The following WDR64 variants were observed in gnomAD, a reference collection of about 807,000 sequenced individuals.
The protein encoded by WDR64 is WD repeat domain 64.
Under a neutral mutation model 139.3 loss-of-function variants are expected in WDR64, and 112 were observed. That is an observed-to-expected ratio of 0.80 (90% confidence interval 0.69 to 0.94). The LOEUF is 0.94. WDR64 is among the 40% of genes least tolerant of loss of function. The probability of loss-of-function intolerance (pLI) is 0.00; values close to 1 mark genes in which losing one functional copy is unlikely to be tolerated. For synonymous variants in WDR64, 444 were observed against 437.7 expected (o/e 1.01, Z -0.18); for missense variants, 1,206 against 1,293.1 (o/e 0.93, Z 1.03).
At chr1:241,754,314 CTTTTTCT>C (rs1670093542) in intron 14 of WDR64, among the ~76,000 whole-genome samples, 1 of 107,890 alleles carries the variant, frequency 9.3e-6, no homozygotes, top group Non-Finnish European at 1.8e-5. Flanking sequence ...TCCTTTTTTT[CTTTTTCT>C]TTTTTTTTTT....
At chr1:241,770,500 G>A (rs1177323242) in intron 17 of WDR64, 121 bp from the exon 18 acceptor site, 1 of 781,956 alleles carries the variant, frequency 1.3e-6, no homozygotes, top group Non-Finnish European at 2.1e-6. Context: ...TTCCTGAGTG[G>A]CTCAGTATCC....
At position 241,741,661 on chromosome 1, in the gene WDR64, T is replaced by G; in HGVS notation, c.1467T>G (p.Ile489Met). 10 of 1,605,470 alleles carry G rather than the reference T, an allele frequency of 6.2e-6. No individual in the cohort carries two copies. The highest frequency in any genetic ancestry group is 8.5e-6 in the Non-Finnish European group (10 of 1,178,142). ...TCACTATCTGCTCTGAATCCATAATTAGGGTAAGTACCTATTGGCTTTTCA... is the reference window on the plus strand; with the variant it reads ...TCACTATCTGCTCTGAATCCATAATGAGGGTAAGTACCTATTGGCTTTTCA... ...QVLTICSESI[I>M]RVWELETGLQ... Residue 489 changes from isoleucine (I) to methionine (M), a missense_variant, in exon 12 of 28, where the codon ATT becomes ATG. Transcript: ENST00000437684.
chr1:241,754,199 GTTT>G (rs1338012947), intron 14 of WDR64, among the ~76,000 whole-genome samples: 7 of 149,944 alleles, frequency 4.7e-5, no homozygotes, highest in African/African-American at 7.4e-5. Flanking sequence ...TAGTTTTATT[GTTT>G]TTTAAATTTT....
In WDR64 at chr1:241,652,388, A is replaced by G; in HGVS notation, c.-97A>G. On this transcript the variant is annotated 5_prime_UTR_variant, in exon 1 of 28. Transcript: ENST00000437684. ...GGAATTAGACCTAGGGCAAAAACTG[A>G]GACAGCAGGGAGGCACTGTAACAAC... 1 of 1,306,594 alleles carries G rather than the reference A, an allele frequency of 7.7e-7. No homozygotes were observed. Among genetic ancestry groups the G allele is most frequent in the Non-Finnish European group, 1.0e-6 (1 of 966,170 alleles). The allele number at this position is 1,306,594 out of a possible 1,614,324, so 80.9% of individuals were successfully genotyped here. A position where few individuals can be genotyped will look rare whatever the true frequency, so the allele number is the denominator to read the frequency against.
chr1:241,682,110 GC>G (rs1318789616), intron 6 of WDR64, among the ~76,000 whole-genome samples: 1 of 152,090 alleles, frequency 6.6e-6, no homozygotes, highest in African/African-American at 2.4e-5. Context: ...TTTTTGCCGT[GC>G]AAAAGCTCTT....
In WDR64 at chr1:241,796,899, A is replaced by G. The variant is rs549518547; in HGVS notation, c.3192+529A>G. Among the ~76,000 whole-genome samples, 32 of 152,344 alleles carry G rather than the reference A, an allele frequency of 2.1e-4. 1 individual carries two copies. The South Asian group carries it at 6.0e-3, about 29-fold the overall frequency. On this transcript the variant is annotated intron_variant, in intron 27 of 27. Coordinates refer to ENST00000437684, the MANE Select transcript of WDR64 (RefSeq NM_001367482.1). Reference sequence around the variant, plus strand: ...GAAAGAGAAAAATCAAATAAGATCAATAAGCCTGAGCTAATGAAGCTTATC... The same window carrying G: ...GAAAGAGAAAAATCAAATAAGATCAGTAAGCCTGAGCTAATGAAGCTTATC...
chr1:241,719,785 T>C (rs1365627815), intron 9 of WDR64, among the ~76,000 whole-genome samples: 2 of 135,060 alleles, frequency 1.5e-5, no homozygotes, highest in African/African-American at 5.5e-5. Flanking sequence ...TTTAAAAATT[T>C]ATTTATTTTC....
At chr1:241,659,515 C>T (rs1487568035) in intron 1 of WDR64, among the ~76,000 whole-genome samples, 1 of 152,220 alleles carries the variant, frequency 6.6e-6, no homozygotes, top group African/African-American at 2.4e-5. Flanking sequence ...AACTAATTTA[C>T]ACTTCCATCA....
At chr1:241,660,805 T>C in intron 2 of WDR64, 145 bp downstream of exon 2, 1 of 807,572 alleles carries the variant, frequency 1.2e-6, no homozygotes, top group Non-Finnish European at 1.9e-6. Context: ...CATTAGGACA[T>C]GGCCACTGCC....
chr1:241,773,933 A>G (rs1658556419), intron 20 of WDR64, among the ~76,000 whole-genome samples: 1 of 152,236 alleles, frequency 6.6e-6, no homozygotes, highest in African/African-American at 2.4e-5. Flanking sequence ...AATGTTGAGT[A>G]TACAATAAAT....
chr1:241,709,896 C>T (rs1459317300), intron 8 of WDR64, among the ~76,000 whole-genome samples: 6 of 151,676 alleles, frequency 4.0e-5, no homozygotes, highest in Admixed American at 3.3e-4. Flanking sequence ...GGGTTCCCCT[C>T]AGAAATTAAA....
chr1:241,696,189 A>AT (rs2148135112), intron 8 of WDR64, among the ~76,000 whole-genome samples: 1 of 143,572 alleles, frequency 7.0e-6, no homozygotes, highest in Non-Finnish European at 1.5e-5. Flanking sequence ...CAGCACCTGG[A>AT]TTTTTTTCTT....
In WDR64 at chr1:241,723,316, G is replaced by A. The variant is rs767116956; in HGVS notation, c.1074G>A (p.Arg358=). 2 of 1,613,876 alleles carry A rather than the reference G, an allele frequency of 1.2e-6. No individual in the cohort carries two copies. Among genetic ancestry groups the A allele is most frequent in the African/African-American group, 1.3e-5 (1 of 75,000 alleles). ...IVTGGDDKVI[R]LWHPNISTKP... ...TTTCAGGAGATGATAAGGTCATCCG[G>A]TTGTGGCACCCCAATATCAGCACCA... is the stretch of plus-strand genomic sequence containing the variant. The change falls in exon 10 of 28, where the codon CGG becomes CGA. Residue 358 remains arginine, a synonymous_variant. Coordinates refer to ENST00000437684, the MANE Select transcript of WDR64 (RefSeq NM_001367482.1).
chr1:241,690,314 T>C (rs1195765872), intron 8 of WDR64, among the ~76,000 whole-genome samples: 1 of 151,694 alleles, frequency 6.6e-6, no homozygotes, highest in Non-Finnish European at 1.5e-5. Context: ...CTACTAAAAA[T>C]ACAAAAATTA....
chr1:241,757,207 A>C, intron 14 of WDR64, 76 bp from the exon 15 acceptor site: 3 of 1,332,812 alleles, frequency 2.3e-6, no homozygotes, highest in South Asian at 3.3e-5. Flanking sequence ...TGTAGGTTCT[A>C]TTTTCTCTAT....
At chr1:241,787,810 T>G (rs370698854) in intron 23 of WDR64, 39 bp from the exon 24 acceptor site, 6 of 1,525,066 alleles carry the variant, frequency 3.9e-6, no homozygotes, top group Non-Finnish European at 5.3e-6. Context: ...GACCAAATTT[T>G]CCAGTTACTT....
chr1:241,661,772 A>G (rs1665841860), intron 2 of WDR64, among the ~76,000 whole-genome samples: 1 of 152,244 alleles, frequency 6.6e-6, no homozygotes, highest in African/African-American at 2.4e-5. Flanking sequence ...TCAGGGGAGA[A>G]AAAATAATAT....
chr1:241,661,471 A>C (rs535362269), intron 2 of WDR64, among the ~76,000 whole-genome samples: 1 of 152,266 alleles, frequency 6.6e-6, no homozygotes, highest in Non-Finnish European at 1.5e-5. Context: ...AAAAGTTTCT[A>C]CAAAGTCTTT....
chr1:241,765,554 G>A (rs973807131), intron 15 of WDR64, among the ~76,000 whole-genome samples: 4 of 152,182 alleles, frequency 2.6e-5, no homozygotes, highest in African/African-American at 9.7e-5. Flanking sequence ...AGGAAGGGGA[G>A]AGCAACTGAG....
Sources: gnomAD v4.1 joint callset for allele counts (sites outside exome capture counted in the v4.1 genomes callset) on GRCh38, gnomAD v4.1.1 for gene constraint, MANE v1.5 for transcripts, NCBI Gene and HGNC (gene_info 2026-07-23, HGNC 2026-07-21) for gene names.